The following PLEKHG4B variants were observed in gnomAD, a reference collection of about 807,000 sequenced individuals.
PLEKHG4B encodes the protein pleckstrin homology domain-containing family G member 4B.
Under a neutral mutation model 121.3 loss-of-function variants are expected in PLEKHG4B, and 111 were observed. The observed-to-expected ratio is 0.92, with a 90% confidence interval of 0.78 to 1.07. The LOEUF (loss-of-function observed/expected upper bound fraction) is 1.07, where lower values mean the gene tolerates loss of function less well. Ranked by LOEUF, PLEKHG4B falls within the 50% of genes least tolerant of loss-of-function variation. PLEKHG4B has a pLI of 0.00. For missense variants in PLEKHG4B, 1,831 were observed against 1,757.8 expected, an observed-to-expected ratio of 1.04 and a Z score of -0.74; for synonymous variants, 738 against 725.0, an observed-to-expected ratio of 1.02 and a Z score of -0.29.
chr5:183,934 C>T lies in PLEKHG4B; in HGVS notation c.*1611C>T, dbSNP rs1733513043. ...TGCATTTGTTGGGCCTCCAGAGAGACAGAACCAATAGGAGATAGCTAGATA... is the reference window on the plus strand; with the variant it reads ...TGCATTTGTTGGGCCTCCAGAGAGATAGAACCAATAGGAGATAGCTAGATA... On this transcript the variant is annotated 3_prime_UTR_variant, in exon 20 of 20. Coordinates refer to ENST00000637938, the MANE Select transcript of PLEKHG4B (RefSeq NM_052909.5). 6.6e-6 allele frequency: 1 copy of T among 151,658 alleles called. No individual in the cohort carries two copies. Among genetic ancestry groups the T allele is most frequent in the Non-Finnish European group, 1.5e-5 (1 of 67,986 alleles). 9.4% of individuals were successfully genotyped at this position (151,658 alleles called of 1,614,324 possible).
At chr5:141,711 ATTTT>A (rs34273619) in intron 3 of PLEKHG4B, among the ~76,000 whole-genome samples, 89 of 127,540 alleles carry the variant, frequency 7.0e-4, no homozygotes, top group African/African-American at 2.7e-3. Flanking sequence ...TAAATATTTC[ATTTT>A]TTTTTTTTTT....
At chr5:95,323 C>T (rs1733600093) in intron 1 of PLEKHG4B, among the ~76,000 whole-genome samples, 1 of 152,096 alleles carries the variant, frequency 6.6e-6, no homozygotes, top group South Asian at 2.1e-4. Context: ...CACATCCACC[C>T]TGTGCCCGCC....
At chr5:134,736 A>C (rs1212117242) in intron 2 of PLEKHG4B, among the ~76,000 whole-genome samples, 6 of 151,112 alleles carry the variant, frequency 4.0e-5, no homozygotes, top group African/African-American at 1.5e-4. Context: ...ACTGCACTCC[A>C]GCCTGGGCAA....
chr5:168,944 C>T (rs1331084916), intron 13 of PLEKHG4B: 5 of 209,186 alleles, frequency 2.4e-5, no homozygotes, highest in African/African-American at 2.4e-5. Flanking sequence ...GGCGTGATCT[C>T]GCCTCACTGC....
At chr5:173,775 TG>T in intron 17 of PLEKHG4B, 142 bp from the exon 18 acceptor site, 1 of 893,614 alleles carries the variant, frequency 1.1e-6, no homozygotes, top group Non-Finnish European at 1.7e-6. Flanking sequence ...GTGAGCAGTG[TG>T]GTCTCGCTCA....
chr5:170,938 G>A (rs1736521490), intron 14 of PLEKHG4B, 105 bp from the exon 15 acceptor site: 6 of 821,670 alleles, frequency 7.3e-6, no homozygotes, highest in Middle Eastern at 3.7e-4. Context: ...CTGCACCTGG[G>A]GGGTCTTGGG....
chr5:105,146 C>G (rs1276240316), intron 1 of PLEKHG4B, among the ~76,000 whole-genome samples: 7 of 152,204 alleles, frequency 4.6e-5, no homozygotes, highest in Non-Finnish European at 8.8e-5. Context: ...TTTGGTGTTC[C>G]CGTCCTGAAG....
rs1434718681 is a variant in PLEKHG4B, at chr5:156,145, C to T, written c.2283C>T (p.Leu761=). The change falls in exon 10 of 20, where the codon CTC becomes CTT. Residue 761 remains leucine (L), a synonymous_variant. Coordinates refer to ENST00000637938, the MANE Select transcript of PLEKHG4B (RefSeq NM_052909.5). The surrounding 1 kb of genome is among the most constrained non-coding windows in gnomAD (Gnocchi z 4.4). The part of the protein sequence containing the change: ...LVLEDPLLVS[L]RLEGGTVLAR... ...TGGAAGACCCACTGCTTGTGTCTCT[C>T]AGGCTGGAGGGGGGCACCGTCCTGG... is the stretch of plus-strand genomic sequence containing the variant. The T allele has an allele frequency of 1.3e-6, 2 of 1,595,922 alleles. No individual in the cohort carries two copies. The highest frequency in any genetic ancestry group is 1.7e-6 in the Non-Finnish European group (2 of 1,171,570).
intron 1 of PLEKHG4B, among the ~76,000 whole-genome samples, chr5:100,247 G>C (rs1733765001): frequency 6.6e-6 from 1 of 152,160 alleles, no homozygotes; most frequent in East Asian, 1.9e-4. Flanking sequence ...TGAGAAACAA[G>C]TTTGTGCCAA....
chr5:170,324 A>G (rs1736500750), intron 14 of PLEKHG4B, among the ~76,000 whole-genome samples: 1 of 151,528 alleles, frequency 6.6e-6, no homozygotes, highest in Admixed American at 6.6e-5. Flanking sequence ...TTTCTTTGAG[A>G]TGAAGTCTCG....
intron 5 of PLEKHG4B, 129 bp from the exon 6 acceptor site, chr5:144,698 T>C (rs1231115770): frequency 4.2e-6 from 3 of 714,608 alleles, no homozygotes; most frequent in African/African-American, 1.8e-5. Flanking sequence ...AAGGTTGATG[T>C]GTATAGAGAA....
Position 172,931 on chromosome 5 carries a change from G to C in PLEKHG4B, c.4085G>C (p.Arg1362Pro). The C allele has an allele frequency of 2.5e-6, 4 of 1,614,170 alleles. No homozygotes were observed. The highest frequency in any genetic ancestry group is 3.4e-6 in the Non-Finnish European group (4 of 1,180,028). ...NLKEQGQLRC[R>P]DEFIVCCGRK... ...AAGGAACAGGGGCAGCTGAGATGCC[G>C]GGATGAGTTTATCGTTTGCTGCGGG... The change falls in exon 17 of 20, where the codon CGG becomes CCG. Residue 1362 changes from arginine to proline, a missense_variant. By Grantham distance (103) the Arg-to-Pro change is moderately radical (BLOSUM62 -2). Transcript: ENST00000637938.
intron 7 of PLEKHG4B, among the ~76,000 whole-genome samples, chr5:152,876 T>C (rs967779369): frequency 6.6e-6 from 1 of 152,232 alleles, no homozygotes; most frequent in Non-Finnish European, 1.5e-5. Context: ...TTTTAAAGTG[T>C]GGCCCTTCCT....
At chr5:160,870 G>C (rs10069932) in intron 11 of PLEKHG4B, among the ~76,000 whole-genome samples, 28,710 of 152,104 alleles carry the variant, frequency 0.19, 3,784 homozygotes, top group African/African-American at 0.37. Context: ...CCTGGCAGTT[G>C]CAAGACTCTG....
chr5:144,854 T>C lies in PLEKHG4B; in HGVS notation c.1839T>C (p.Val613=). The C allele has an allele frequency of 6.2e-7, 1 of 1,613,382 alleles. No homozygotes were observed. Among genetic ancestry groups the C allele is most frequent in the Non-Finnish European group, 8.5e-7 (1 of 1,179,902 alleles). The part of the protein sequence containing the change: ...PRKEVRDLGL[V]VLVDARRSPA... ...AAGAGGTCCGGGACCTGGGGCTGGT[T>C]GTCCTGGTGGATGCACGCAGGAGTC... Residue 613 remains valine, a synonymous_variant, in exon 6 of 20, where the codon GTT becomes GTC. Coordinates refer to ENST00000637938, the MANE Select transcript of PLEKHG4B (RefSeq NM_052909.5).
At chr5:110,899 C>T (rs988559238) in intron 1 of PLEKHG4B, among the ~76,000 whole-genome samples, 4 of 152,264 alleles carry the variant, frequency 2.6e-5, no homozygotes, top group Non-Finnish European at 5.9e-5. Context: ...CTGAGTTCTA[C>T]AAAGACAAGA....
At chr5:132,173 G>A (rs554435283) in intron 2 of PLEKHG4B, among the ~76,000 whole-genome samples, 4 of 149,900 alleles carry the variant, frequency 2.7e-5, no homozygotes, top group Admixed American at 6.6e-5. Context: ...GAGGAGTTAC[G>A]CAAGGAAAAA....
At chr5:99,187 T>C (rs1360483753) in intron 1 of PLEKHG4B, among the ~76,000 whole-genome samples, 3 of 106,160 alleles carry the variant, frequency 2.8e-5, no homozygotes, top group Non-Finnish European at 3.7e-5. Context: ...TATATATATA[T>C]ATATATATAT....
At chr5:169,176 A>T in intron 13 of PLEKHG4B, 164 bp from the exon 14 acceptor site, 1 of 931,636 alleles carries the variant, frequency 1.1e-6, no homozygotes, top group Non-Finnish European at 1.6e-6. Context: ...GCCTGGCCGG[A>T]AGCTTTTTTA....
Sources: allele counts gnomAD v4.1 joint callset (sites outside exome capture counted in the v4.1 genomes callset), GRCh38; gene constraint gnomAD v4.1.1; non-coding constraint Gnocchi (gnomAD v3.1); transcripts MANE v1.5; gene names NCBI Gene and HGNC (gene_info 2026-07-23, HGNC 2026-07-21).